The following ESR1 variants were observed in gnomAD, a reference collection of about 807,000 sequenced individuals.
ESR1 encodes the protein estrogen receptor 1, also known as estrogen receptor.
Under a neutral mutation model 52.7 loss-of-function variants are expected in ESR1, and 12 were observed. The observed-to-expected ratio is 0.23, with a 90% CI of 0.15 to 0.37. ESR1 has a LOEUF of 0.37. ESR1 is among the 10% of genes least tolerant of loss of function. ESR1 has a pLI of 1.00. For missense variants in ESR1, 584 were observed against 779.7 expected (o/e 0.75, Z 2.99); for synonymous variants, 305 against 316.8 (o/e 0.96, Z 0.39).
chr6:151,892,357 A>C (rs1316603547), intron 3 of ESR1, among the ~76,000 whole-genome samples: 1 of 152,226 alleles, frequency 6.6e-6, no homozygotes, highest in Non-Finnish European at 1.5e-5. Flanking sequence ...AGCTCAATTT[A>C]GAACAACTGC....
intron 4 of ESR1, among the ~76,000 whole-genome samples, chr6:151,968,626 A>G (rs1182562930): frequency 6.6e-6 from 1 of 151,898 alleles, no homozygotes; most frequent in African/African-American, 2.4e-5. Flanking sequence ...TCGATTTTCC[A>G]GTGGTCCATG....
At chr6:151,686,739 C>T (rs918399766), upstream of ESR1, among the ~76,000 whole-genome samples, 8 of 149,288 alleles carry the variant, frequency 5.4e-5, no homozygotes, top group Non-Finnish European at 7.5e-5. Flanking sequence ...CAACCAGCAC[C>T]TAGGCCCTGG....
intron 5 of ESR1, among the ~76,000 whole-genome samples, chr6:152,014,786 T>C (rs915648839): frequency 5.9e-5 from 9 of 152,130 alleles, no homozygotes; most frequent in African/African-American, 2.2e-4. Flanking sequence ...TTTCTTTCAG[T>C]CCATCTCCCA....
At chr6:151,678,687 G>GT (rs565751558) in intron 1 of ESR1, among the ~76,000 whole-genome samples, 34,728 of 141,456 alleles carry the variant, frequency 0.25, 4,518 homozygotes, top group South Asian at 0.39. Flanking sequence ...CAAACCACTG[G>GT]TTTTTTTTTT....
intron 6 of ESR1, among the ~76,000 whole-genome samples, chr6:152,118,965 A>G (rs960126113): frequency 6.6e-6 from 1 of 152,034 alleles, no homozygotes; most frequent in Non-Finnish European, 1.5e-5. Context: ...GGATATTTCA[A>G]TTTCTCCACA....
At position 152,044,843 on chromosome 6, in the gene ESR1, TCTC is replaced by T. The variant is rs1175492117; in HGVS notation, c.1236-16145_1236-16143del. On this transcript the variant is annotated intron_variant, in intron 5 of 7. Transcript: ENST00000206249. ...TCCAGTCCACTGACTCAAATGTTAATCTCCTTTGACAACACCCTCACAGACTCA... is the reference window on the plus strand; with the variant it reads ...TCCAGTCCACTGACTCAAATGTTAATCTTTGACAACACCCTCACAGACTCA... Among the ~76,000 whole-genome samples the T allele has an allele frequency of 2.0e-5, 3 of 152,206 alleles. No homozygotes were observed. The South Asian group carries it at 6.2e-4, about 32-fold the overall frequency.
upstream of ESR1, among the ~76,000 whole-genome samples, chr6:151,806,794 A>G (rs1777958293): frequency 6.6e-6 from 1 of 151,870 alleles, no homozygotes; most frequent in Admixed American, 6.6e-5. Context: ...TCGTGACCTG[A>G]GGTTATGTTT....
chr6:151,896,520 T>A (rs1795529256), intron 3 of ESR1, among the ~76,000 whole-genome samples: 1 of 152,194 alleles, frequency 6.6e-6, no homozygotes, highest in Admixed American at 6.5e-5. Context: ...TTCTGTGGGG[T>A]TGGTTGTAAT....
intron 1 of ESR1, among the ~76,000 whole-genome samples, chr6:151,832,892 G>A (rs932020075): frequency 2.6e-5 from 4 of 152,138 alleles, no homozygotes; most frequent in East Asian, 1.9e-4. Context: ...TGTTAGTATC[G>A]TGGTGGAAAC....
chr6:151,831,430 A>T (rs923692429), intron 1 of ESR1, among the ~76,000 whole-genome samples: 5 of 152,162 alleles, frequency 3.3e-5, no homozygotes, highest in Non-Finnish European at 5.9e-5. Flanking sequence ...GTGAGCTACC[A>T]TGCCCAGCTA....
intron 4 of ESR1, among the ~76,000 whole-genome samples, chr6:151,985,662 T>C (rs1395179744): frequency 6.6e-6 from 1 of 151,982 alleles, no homozygotes; most frequent in Non-Finnish European, 1.5e-5. Flanking sequence ...GTCATAACTT[T>C]TTAAAAAATT....
intron 1 of ESR1, among the ~76,000 whole-genome samples, chr6:151,684,861 G>A (rs1404718115): frequency 2.0e-5 from 3 of 152,166 alleles, no homozygotes; most frequent in African/African-American, 7.2e-5. Context: ...CCATAGGCAG[G>A]ACCCTCTTCC....
rs543833486 is a variant in ESR1 at position 152,054,538 on chromosome 6, T to A, written c.1236-6453T>A. 9.2e-5 allele frequency among the ~76,000 whole-genome samples: 14 copies of A among 152,160 alleles called. No individual in the cohort carries two copies. In the East Asian group the frequency reaches 2.5e-3, roughly 27 times the overall value. On this transcript the variant is annotated intron_variant, in intron 5 of 7. Coordinates refer to ENST00000206249, the MANE Select transcript of ESR1 (RefSeq NM_000125.4). Reference sequence around the variant, plus strand: ...TCTCCTTTGCGCACTGATGCCAAATTAGTCACAACAAAAGTGTTTACGTGA... The same window carrying A: ...TCTCCTTTGCGCACTGATGCCAAATAAGTCACAACAAAAGTGTTTACGTGA...
rs897680404 is a variant in ESR1, at chr6:152,002,185, A to T, written c.1097-9471A>T. ...AGGTGTTCCTCTAGATTTTAAATCA[A>T]GTGTGTGTGTGTGTGTGTGTGTGTG... On this transcript the variant is annotated intron_variant, in intron 4 of 7. Coordinates refer to ENST00000206249, the MANE Select transcript of ESR1 (RefSeq NM_000125.4). Among the ~76,000 whole-genome samples the T allele has an allele frequency of 1.1e-3, 149 of 141,496 alleles. 1 individual carries two copies. The highest frequency in any genetic ancestry group is 1.8e-3 in the Non-Finnish European group (116 of 64,318). The allele number at this position is 141,496 out of a possible 152,430, so 92.8% of individuals were successfully genotyped here.
In ESR1 at chr6:151,899,323, G is replaced by A. The variant is rs1406781341; in HGVS notation, c.760+18552G>A. 3.6e-4 allele frequency among the ~76,000 whole-genome samples: 45 copies of A among 123,524 alleles called. 1 individual carries two copies. The highest frequency in any genetic ancestry group is 1.3e-3 in the African/African-American group (38 of 29,226). The allele number at this position is 123,524 out of a possible 152,430, so 81.0% of individuals were successfully genotyped here. On this transcript the variant is annotated intron_variant, in intron 3 of 7. Transcript: ENST00000206249. ...GGGCTGACCCCCCCACCTCCCTCCC[G>A]GACGGGGCGGCTGGCCAGGCGGGGG...
chr6:152,087,982 G>GA (rs1248100746), intron 6 of ESR1, among the ~76,000 whole-genome samples: 1 of 151,916 alleles, frequency 6.6e-6, no homozygotes, highest in Non-Finnish European at 1.5e-5. Context: ...AACCTTAAGA[G>GA]AAAAAATCTC....
At chr6:152,055,325 C>T (rs573034499) in intron 5 of ESR1, among the ~76,000 whole-genome samples, 1 of 152,244 alleles carries the variant, frequency 6.6e-6, no homozygotes, top group East Asian at 1.9e-4. Context: ...GTTCACTTTT[C>T]CTCATGTCCT....
In ESR1 at chr6:151,842,474, G is replaced by C. The variant is rs1052843035; in HGVS notation, c.453-123G>C. The C allele has an allele frequency of 6.5e-6, 6 of 925,132 alleles. No individual in the cohort carries two copies. In the East Asian group the frequency reaches 1.1e-4, roughly 16 times the overall value. The allele number at this position is 925,132 out of a possible 1,614,324, so 57.3% of individuals were successfully genotyped here. Reference sequence around the variant, plus strand: ...CAACAGACGGCAAGAGGTAATGAAAGATTAGCTTACATTATGATTCATTAT... The same window carrying C: ...CAACAGACGGCAAGAGGTAATGAAACATTAGCTTACATTATGATTCATTAT... On this transcript the variant is annotated intron_variant, in intron 1 of 7. Transcript: ENST00000206249.
At chr6:151,760,732 G>A (rs1193663248) in intron 2 of ESR1, among the ~76,000 whole-genome samples, 5 of 152,268 alleles carry the variant, frequency 3.3e-5, no homozygotes, top group East Asian at 3.9e-4. Context: ...GACAGTAAAC[G>A]CACTGCACAT....
Sources: gnomAD v4.1 joint callset for allele counts (sites outside exome capture counted in the v4.1 genomes callset) on GRCh38, gnomAD v4.1.1 for gene constraint, MANE v1.5 for transcripts, NCBI Gene and HGNC (gene_info 2026-07-23, HGNC 2026-07-21) for gene names.